The following PPFIA2 variants were observed in gnomAD, a reference collection of about 807,000 sequenced individuals.
PPFIA2 encodes the protein PPFI scaffold protein A2, also known as liprin-alpha-2.
Under a neutral mutation model 175.5 loss-of-function variants are expected in PPFIA2, and 46 were observed. The observed-to-expected ratio is 0.26, with a 90% CI of 0.21 to 0.34. The LOEUF is 0.34. PPFIA2 is among the 10% of genes least tolerant of loss of function. PPFIA2 has a pLI of 1.00. For missense variants in PPFIA2, 1,179 were observed against 1,506.1 expected (o/e 0.78, Z 3.60); for synonymous variants, 568 against 511.4 (o/e 1.11, Z -1.49).
At chr12:81,315,508 T>A (rs918959147) in intron 22 of PPFIA2, among the ~76,000 whole-genome samples, 5 of 151,694 alleles carry the variant, frequency 3.3e-5, no homozygotes, top group Non-Finnish European at 5.9e-5. Flanking sequence ...ATAAAGATGA[T>A]AGAAGAAAAA....
At chr12:81,380,656 G>A (rs2037428317) in intron 9 of PPFIA2, among the ~76,000 whole-genome samples, 1 of 152,142 alleles carries the variant, frequency 6.6e-6, no homozygotes, top group Non-Finnish European at 1.5e-5. Context: ...GCAGTTCATA[G>A]TGGAAGAAGC....
intron 8 of PPFIA2, among the ~76,000 whole-genome samples, chr12:81,404,478 T>C (rs563237702): frequency 6.6e-6 from 1 of 152,322 alleles, no homozygotes; most frequent in East Asian, 1.9e-4. Flanking sequence ...TGAAAATGCC[T>C]TATTAAAGAG....
At chr12:81,405,583 C>T (rs911867015) in intron 8 of PPFIA2, among the ~76,000 whole-genome samples, 1 of 151,646 alleles carries the variant, frequency 6.6e-6, no homozygotes, top group Non-Finnish European at 1.5e-5. Flanking sequence ...TATATGCATA[C>T]ACACAACATA....
At chr12:81,642,234 C>T (rs1037725145) in intron 4 of PPFIA2, among the ~76,000 whole-genome samples, 2 of 151,860 alleles carry the variant, frequency 1.3e-5, no homozygotes, top group Admixed American at 6.6e-5. Flanking sequence ...CAAAAGCTTA[C>T]ATATCTGAAA....
At chr12:81,692,199 G>A (rs2075337635) in intron 3 of PPFIA2, among the ~76,000 whole-genome samples, 1 of 151,890 alleles carries the variant, frequency 6.6e-6, no homozygotes, top group African/African-American at 2.4e-5. Flanking sequence ...GCAAGAAACT[G>A]ATGTCTCATG....
chr12:81,486,235 C>T (rs1343673261), intron 4 of PPFIA2, among the ~76,000 whole-genome samples: 6 of 151,676 alleles, frequency 4.0e-5, no homozygotes, highest in Non-Finnish European at 7.4e-5. Context: ...AATAGTGGCA[C>T]AAAGAGTTTA....
At chr12:81,743,222 T>A (rs2082547379) in intron 3 of PPFIA2, among the ~76,000 whole-genome samples, 1 of 151,632 alleles carries the variant, frequency 6.6e-6, no homozygotes, top group Non-Finnish European at 1.5e-5. Flanking sequence ...ATGGAGATCA[T>A]CCTGGCTAAC....
chr12:81,610,227 G>A (rs902416446), intron 4 of PPFIA2, among the ~76,000 whole-genome samples: 8 of 152,034 alleles, frequency 5.3e-5, no homozygotes, highest in Non-Finnish European at 5.9e-5. Flanking sequence ...TACATGCCTT[G>A]GGGACGATCA....
At chr12:81,658,443 TTCA>T (rs1160529939) in intron 4 of PPFIA2, among the ~76,000 whole-genome samples, 3 of 152,088 alleles carry the variant, frequency 2.0e-5, no homozygotes, top group African/African-American at 7.2e-5. Context: ...TTATCTTTAC[TTCA>T]TATTTTTCAC....
intron 5 of PPFIA2, among the ~76,000 whole-genome samples, chr12:81,446,373 A>G (rs1196448953): frequency 1.3e-5 from 2 of 152,130 alleles, no homozygotes; most frequent in African/African-American, 4.8e-5. Flanking sequence ...AGGTGGAGGG[A>G]AAGTCCCTGA....
At chr12:81,575,450 G>T (rs1254877355) in intron 4 of PPFIA2, among the ~76,000 whole-genome samples, 2 of 151,680 alleles carry the variant, frequency 1.3e-5, no homozygotes, top group East Asian at 3.9e-4. Context: ...AAGCTTATGA[G>T]TCTTAGATTA....
intron 28 of PPFIA2, among the ~76,000 whole-genome samples, chr12:81,274,409 G>A (rs879658639): frequency 2.6e-5 from 4 of 152,004 alleles, no homozygotes; most frequent in East Asian, 3.9e-4. Context: ...AAATTCCATC[G>A]TCACACCTGT....
intron 15 of PPFIA2, among the ~76,000 whole-genome samples, chr12:81,362,025 C>G (rs527966325): frequency 1.5e-4 from 22 of 150,452 alleles, no homozygotes; most frequent in Admixed American, 6.6e-4. Context: ...ATCTATCTAT[C>G]TATCTATCTA....
chr12:81,438,239 G>A (rs1446599334), intron 7 of PPFIA2, among the ~76,000 whole-genome samples: 1 of 152,184 alleles, frequency 6.6e-6, no homozygotes, highest in East Asian at 1.9e-4. Context: ...GGAGGCCGAG[G>A]CAGGCGAATC....
intron 22 of PPFIA2, among the ~76,000 whole-genome samples, chr12:81,321,148 G>C (rs527422397): frequency 4.5e-4 from 68 of 151,978 alleles, no homozygotes; most frequent in African/African-American, 1.6e-3. Context: ...GAAGCAAGAA[G>C]AGCCATAACT....
chr12:81,711,999 AAAG>A (rs1206450374), intron 3 of PPFIA2, among the ~76,000 whole-genome samples: 1 of 151,280 alleles, frequency 6.6e-6, no homozygotes, highest in Non-Finnish European at 1.5e-5. Flanking sequence ...ACATTGTGCA[AAAG>A]AAGATTATAT....
intron 4 of PPFIA2, among the ~76,000 whole-genome samples, chr12:81,554,751 C>A (rs996908516): frequency 3.3e-5 from 5 of 152,024 alleles, no homozygotes; most frequent in Admixed American, 6.6e-5. Flanking sequence ...GATCTTAGAT[C>A]AGGTGGACAT....
At chr12:81,648,792 T>TA (rs2066564077) in intron 4 of PPFIA2, among the ~76,000 whole-genome samples, 1 of 151,916 alleles carries the variant, frequency 6.6e-6, no homozygotes, top group Non-Finnish European at 1.5e-5. Context: ...AAGATAGACT[T>TA]ACAGATCAAT....
chr12:81,518,575 T>C (rs2062740528), intron 4 of PPFIA2, among the ~76,000 whole-genome samples: 1 of 152,164 alleles, frequency 6.6e-6, no homozygotes. Flanking sequence ...AGCATTTAGC[T>C]ATTCATCTTA....
Sources: allele counts gnomAD v4.1 joint callset (sites outside exome capture counted in the v4.1 genomes callset), GRCh38; gene constraint gnomAD v4.1.1; transcripts MANE v1.5; gene names NCBI Gene and HGNC (gene_info 2026-07-23, HGNC 2026-07-21).